IMMP2L: variants seen among roughly 807,000 people sequenced by gnomAD.
IMMP2L encodes the protein mitochondrial inner membrane protease subunit 2.
In IMMP2L, 18 loss-of-function variants were observed where a neutral mutation model predicts 19.3. The observed-to-expected ratio is 0.93, with a 90% confidence interval of 0.64 to 1.38. The LOEUF is 1.38. Ranked by LOEUF, IMMP2L falls within the 40% of genes most tolerant of loss-of-function variation. The pLI is 0.00. For synonymous variants in IMMP2L, 76 were observed against 73.0 expected, an observed-to-expected ratio of 1.04 and a Z score of -0.21; for missense variants, 233 against 218.2, an observed-to-expected ratio of 1.07 and a Z score of -0.43.
intron 3 of IMMP2L, among the ~76,000 whole-genome samples, chr7:111,437,114 CT>C (rs1837255146): frequency 6.6e-6 from 1 of 151,664 alleles, no homozygotes; most frequent in Non-Finnish European, 1.5e-5. Context: ...CGCACTTATT[CT>C]TTTTTAATGA....
At chr7:110,885,747 G>T (rs1449069270) in intron 5 of IMMP2L, among the ~76,000 whole-genome samples, 1 of 151,958 alleles carries the variant, frequency 6.6e-6, no homozygotes, top group East Asian at 1.9e-4. Context: ...TGTAAGAAGG[G>T]CATTCTAATC....
At chr7:111,360,620 C>T (rs1829170414) in intron 3 of IMMP2L, among the ~76,000 whole-genome samples, 1 of 151,954 alleles carries the variant, frequency 6.6e-6, no homozygotes, top group African/African-American at 2.4e-5. Flanking sequence ...GAGTTTGAGA[C>T]CAGCCTGGGC....
intron 3 of IMMP2L, among the ~76,000 whole-genome samples, chr7:111,064,870 C>T (rs1365738300): frequency 6.6e-6 from 1 of 152,098 alleles, no homozygotes; most frequent in African/African-American, 2.4e-5. Context: ...TACAGGAGAT[C>T]AATTAGGGCA....
intron 3 of IMMP2L, among the ~76,000 whole-genome samples, chr7:111,302,556 C>CT (rs1244384431): frequency 2.0e-5 from 3 of 151,920 alleles, no homozygotes; most frequent in Admixed American, 1.3e-4. Flanking sequence ...CATGATAACC[C>CT]TAGGAGGTGC....
intron 3 of IMMP2L, among the ~76,000 whole-genome samples, chr7:111,111,942 G>GTTTTTTTTTTTTTTT (rs748410980): frequency 1.2e-5 from 1 of 84,110 alleles, no homozygotes; most frequent in Non-Finnish European, 2.2e-5. Context: ...TATATAGTTT[G>GTTTTTTTTTTTTTTT]TTTTTTTTTT....
intron 3 of IMMP2L, among the ~76,000 whole-genome samples, chr7:111,339,128 C>G (rs1044732970): frequency 2.0e-5 from 3 of 151,982 alleles, no homozygotes; most frequent in Non-Finnish European, 2.9e-5. Flanking sequence ...GAAACAGAAG[C>G]AACTGAATTA....
chr7:111,488,937 C>T (rs1439752692), intron 2 of IMMP2L, among the ~76,000 whole-genome samples: 1 of 151,758 alleles, frequency 6.6e-6, no homozygotes, highest in Non-Finnish European at 1.5e-5. Context: ...TTTTGATTTG[C>T]ACTTCCCTGA....
At chr7:111,143,332 C>T (rs1414776578) in intron 3 of IMMP2L, among the ~76,000 whole-genome samples, 1 of 152,092 alleles carries the variant, frequency 6.6e-6, no homozygotes, top group African/African-American at 2.4e-5. Context: ...AACCTCTGCG[C>T]CAGGCTAAAT....
chr7:111,477,856 C>A (rs1318444412), intron 3 of IMMP2L, among the ~76,000 whole-genome samples: 1 of 152,090 alleles, frequency 6.6e-6, no homozygotes, highest in Non-Finnish European at 1.5e-5. Context: ...CAAGATCATG[C>A]TATTGCACTC....
intron 3 of IMMP2L, among the ~76,000 whole-genome samples, chr7:111,351,690 C>A (rs528717290): frequency 1.3e-5 from 2 of 152,030 alleles, no homozygotes; most frequent in Non-Finnish European, 2.9e-5. Context: ...ATTCCAAAAA[C>A]AAAAGGCACC....
intron 5 of IMMP2L, among the ~76,000 whole-genome samples, chr7:110,673,669 A>G (rs968103549): frequency 1.3e-5 from 2 of 152,178 alleles, no homozygotes; most frequent in African/African-American, 4.8e-5. Flanking sequence ...GCAGGGGGAA[A>G]ATGCCACCAG....
At chr7:111,009,777 T>C (rs2129563107) in intron 3 of IMMP2L, among the ~76,000 whole-genome samples, 1 of 152,230 alleles carries the variant, frequency 6.6e-6, no homozygotes, top group Non-Finnish European at 1.5e-5. Flanking sequence ...ATATTCTACT[T>C]TGGAAAATGG....
chr7:111,434,482 A>G (rs1484785784), intron 3 of IMMP2L, among the ~76,000 whole-genome samples: 1 of 151,498 alleles, frequency 6.6e-6, no homozygotes, highest in Non-Finnish European at 1.5e-5. Context: ...CCCATTAAAA[A>G]GTGGGCAAAG....
At chr7:111,399,234 C>T (rs1466374059) in intron 3 of IMMP2L, among the ~76,000 whole-genome samples, 1 of 152,154 alleles carries the variant, frequency 6.6e-6, no homozygotes, top group Non-Finnish European at 1.5e-5. Context: ...TCAAACTATA[C>T]TGTAAGGCCA....
chr7:111,379,828 T>A (rs916041745), intron 3 of IMMP2L, among the ~76,000 whole-genome samples: 1 of 151,850 alleles, frequency 6.6e-6, no homozygotes, highest in Non-Finnish European at 1.5e-5. Context: ...GTCTGCAATT[T>A]TTAGACGAAA....
At chr7:110,834,365 T>TGTGC (rs1804241032) in intron 5 of IMMP2L, among the ~76,000 whole-genome samples, 1 of 151,172 alleles carries the variant, frequency 6.6e-6, no homozygotes, top group Admixed American at 6.6e-5. Flanking sequence ...TAAGAGTGTG[T>TGTGC]GTGTGTGTGT....
intron 3 of IMMP2L, among the ~76,000 whole-genome samples, chr7:111,346,377 G>C (rs1189465330): frequency 1.3e-5 from 2 of 152,126 alleles, no homozygotes; most frequent in Non-Finnish European, 2.9e-5. Context: ...GGGGGTAAGA[G>C]ACACTACTGA....
chr7:111,177,617 G>A (rs964009604), intron 3 of IMMP2L, among the ~76,000 whole-genome samples: 1 of 152,030 alleles, frequency 6.6e-6, no homozygotes, highest in African/African-American at 2.4e-5. Flanking sequence ...AGAATAGTCA[G>A]CTTTGATATT....
At chr7:110,939,886 G>C (rs188675324) in intron 4 of IMMP2L, among the ~76,000 whole-genome samples, 4 of 152,226 alleles carry the variant, frequency 2.6e-5, no homozygotes, top group Admixed American at 2.6e-4. Flanking sequence ...GCTATATTTT[G>C]CTAAAAGGTA....
Sources: gnomAD v4.1 joint callset for allele counts (sites outside exome capture counted in the v4.1 genomes callset) on GRCh38, gnomAD v4.1.1 for gene constraint, MANE v1.5 for transcripts, NCBI Gene and HGNC (gene_info 2026-07-23, HGNC 2026-07-21) for gene names.